Variants in AP3M2 observed in about 807,000 individuals in gnomAD.
AP3M2 encodes the protein adaptor related protein complex 3 subunit mu 2, also known as AP-3 complex subunit mu-2.
AP3M2 carries 28 observed loss-of-function variants against 41.6 expected under a neutral mutation model. That is an observed-to-expected ratio of 0.67 (90% CI 0.50 to 0.92). The LOEUF is 0.92. AP3M2 is among the 40% of genes least tolerant of loss of function. The probability of loss-of-function intolerance (pLI) is 0.00; values close to 1 mark genes in which losing one functional copy is unlikely to be tolerated. For synonymous variants in AP3M2, 193 were observed against 186.4 expected (o/e 1.04, Z -0.29); for missense variants, 427 against 521.4 (o/e 0.82, Z 1.76).
At position 42,169,158 on chromosome 8, in the gene AP3M2, C is replaced by T. The variant is rs557767547; in HGVS notation, c.*97C>T. 2 of 928,050 alleles carry T rather than the reference C, an allele frequency of 2.2e-6. No individual in the cohort carries two copies. Among genetic ancestry groups the T allele is most frequent in the Non-Finnish European group, 3.2e-6 (2 of 633,600 alleles). 57.5% of individuals were successfully genotyped at this position (928,050 alleles called of 1,614,324 possible). On this transcript the variant is annotated 3_prime_UTR_variant, in exon 9 of 9. Transcript: ENST00000396926. ...ATCAGCCTGTCTCCTAGGTCAGTCC[C>T]CTCCTGGACCCACCCGCTCCCTTTT...
rs1804772675 is a variant in AP3M2, at chr8:42,170,590, A to G, written c.*1529A>G. ...TCCACACCCTAGAGCTTTTCTCTAA[A>G]TATTGTGCAAAGTTTTTGCTAGTTT... is the stretch of plus-strand genomic sequence containing the variant. On this transcript the variant is annotated 3_prime_UTR_variant, in exon 9 of 9. Coordinates refer to ENST00000396926, the MANE Select transcript of AP3M2 (RefSeq NM_006803.4). 6.6e-6 allele frequency: 1 copy of G among 152,248 alleles called. No individual in the cohort carries two copies. Among genetic ancestry groups the G allele is most frequent in the Admixed American group, 6.5e-5 (1 of 15,284 alleles). 9.4% of individuals were successfully genotyped at this position (152,248 alleles called of 1,614,324 possible). A position where few individuals can be genotyped will look rare whatever the true frequency, so the allele number is the denominator to read the frequency against.
intron 2 of AP3M2, among the ~76,000 whole-genome samples, chr8:42,156,980 TGATCAGAG>T (rs1804371235): frequency 6.6e-6 from 1 of 152,206 alleles, no homozygotes; most frequent in African/African-American, 2.4e-5. Flanking sequence ...AACTTTGGAA[TGATCAGAG>T]CCATTCATGA....
intron 6 of AP3M2, chr8:42,165,803 T>C (rs1804624753): frequency 4.7e-6 from 2 of 423,866 alleles, no homozygotes; most frequent in South Asian, 5.0e-5. Flanking sequence ...TGAATAGTGC[T>C]TAACACAAAG....
chr8:42,155,838 G>T, intron 2 of AP3M2: 1 of 360,822 alleles, frequency 2.8e-6, no homozygotes. Context: ...AGAGAATGAG[G>T]ACCCACACAC....
At chr8:42,164,627 C>G (rs1199585495) in intron 4 of AP3M2, among the ~76,000 whole-genome samples, 1 of 152,020 alleles carries the variant, frequency 6.6e-6, no homozygotes, top group Non-Finnish European at 1.5e-5. Flanking sequence ...GTGACACATG[C>G]CACATAGAGG....
In AP3M2 at chr8:42,167,700, A is replaced by G. The variant is rs1177041864; in HGVS notation, c.1046A>G (p.Gln349Arg). ...LSWDVGKINP[Q>R]KLPSLKGTMS... ...TGGGATGTAGGAAAAATAAATCCAC[A>G]AAAGCTACCAAGTTTGAAGGGGACC... The change falls in exon 8 of 9, where the codon CAA (glutamine) becomes CGA (arginine). Residue 349 changes from glutamine (Q) to arginine (R), a missense_variant. This residue lies in a region of AP3M2 where 237 missense variants were observed against 284.9 expected (regional missense o/e 0.83). Transcript: ENST00000396926. 6.2e-7 allele frequency: 1 copy of G among 1,612,716 alleles called. No homozygotes were observed. Among genetic ancestry groups the G allele is most frequent in the Non-Finnish European group, 8.5e-7 (1 of 1,179,658 alleles).
intron 2 of AP3M2, chr8:42,155,783 G>A (rs1379042913): frequency 6.8e-6 from 2 of 294,596 alleles, no homozygotes; most frequent in Admixed American, 4.6e-5. Flanking sequence ...TGTCATATGA[G>A]GTCTGGAATG....
chr8:42,165,316 T>C, intron 5 of AP3M2, 111 bp from the exon 6 acceptor site: 1 of 1,437,170 alleles, frequency 7.0e-7, no homozygotes. Flanking sequence ...ATGATTTCTG[T>C]GTGTGTGTGT....
At chr8:42,166,853 A>G (rs1454413145) in intron 6 of AP3M2, 1 of 317,584 alleles carries the variant, frequency 3.1e-6, no homozygotes, top group African/African-American at 2.1e-5. Flanking sequence ...ACATGTTACA[A>G]GTTAAAAACA....
At chr8:42,159,193 A>G (rs1804441127) in intron 3 of AP3M2, among the ~76,000 whole-genome samples, 2 of 152,330 alleles carry the variant, frequency 1.3e-5, no homozygotes, top group South Asian at 4.1e-4. Flanking sequence ...GTTCTTTTAA[A>G]TAACAAGGAT....
chr8:42,163,689 A>G (rs7013215), intron 4 of AP3M2, among the ~76,000 whole-genome samples: 3,457 of 152,314 alleles, frequency 0.023, 136 homozygotes, highest in African/African-American at 0.079. Flanking sequence ...AACAGATGCA[A>G]TTTAGTCTAA....
At position 42,169,682 on chromosome 8, in the gene AP3M2, G is replaced by A. The variant is rs771144169; in HGVS notation, c.*621G>A. 2 of 152,168 alleles carry A rather than the reference G, an allele frequency of 1.3e-5. No homozygotes were observed. Among genetic ancestry groups the A allele is most frequent in the African/African-American group, 2.4e-5 (1 of 41,430 alleles). 9.4% of individuals were successfully genotyped at this position (152,168 alleles called of 1,614,324 possible). A position where few individuals can be genotyped will look rare whatever the true frequency, so the allele number is the denominator to read the frequency against. On this transcript the variant is annotated 3_prime_UTR_variant, in exon 9 of 9. Coordinates refer to ENST00000396926, the MANE Select transcript of AP3M2 (RefSeq NM_006803.4). ...ACACTTGTACTTCTGGAAATGGACT[G>A]GAGACTTTTTAAATTTGAGTCCACT...
chr8:42,167,725 C>T lies in AP3M2; in HGVS notation c.1071C>T (p.Thr357=). ...NPQKLPSLKG[T]MSLQAGASKP... ...AAAAGCTACCAAGTTTGAAGGGGAC[C>T]ATGAGTCTTCAGGCTGGAGCTTCCA... Residue 357 remains threonine (T), a synonymous_variant, in exon 8 of 9, where the codon ACC becomes ACT. Coordinates refer to ENST00000396926, the MANE Select transcript of AP3M2 (RefSeq NM_006803.4). 6.2e-7 allele frequency: 1 copy of T among 1,614,076 alleles called. No individual in the cohort carries two copies. The highest frequency in any genetic ancestry group is 8.5e-7 in the Non-Finnish European group (1 of 1,180,004).
At chr8:42,161,470 G>A (rs1804503767) in intron 3 of AP3M2, among the ~76,000 whole-genome samples, 1 of 151,904 alleles carries the variant, frequency 6.6e-6, no homozygotes, top group Non-Finnish European at 1.5e-5. Context: ...TTAGCCGGAT[G>A]TGGTGGCACG....
At chr8:42,153,967 TTAAAA>T (rs1317185923) in intron 1 of AP3M2, 4 of 152,188 alleles carry the variant, frequency 2.6e-5, no homozygotes, top group Non-Finnish European at 4.4e-5. Flanking sequence ...GGTAACCACT[TTAAAA>T]TAATAAAACA....
chr8:42,164,185 G>T (rs1417457478), intron 4 of AP3M2, among the ~76,000 whole-genome samples: 1 of 152,226 alleles, frequency 6.6e-6, no homozygotes, highest in African/African-American at 2.4e-5. Flanking sequence ...TTGGCTGGAT[G>T]TGGGCGGGAG....
At chr8:42,157,866 G>A in intron 2 of AP3M2, 75 bp from the exon 3 acceptor site, 1 of 1,431,082 alleles carries the variant, frequency 7.0e-7, no homozygotes, top group Non-Finnish European at 9.6e-7. Context: ...CTTATTCTCT[G>A]TAGGCACATT....
intron 6 of AP3M2, 110 bp downstream of exon 6, chr8:42,165,670 C>T (rs761295214): frequency 5.8e-5 from 80 of 1,373,620 alleles, no homozygotes; most frequent in Non-Finnish European, 7.4e-5. Context: ...GTTCACATTC[C>T]AGCTTCTGTG....
intron 2 of AP3M2, among the ~76,000 whole-genome samples, chr8:42,156,778 G>T (rs1804364721): frequency 6.6e-6 from 1 of 152,002 alleles, no homozygotes; most frequent in Non-Finnish European, 1.5e-5. Context: ...GGATGTCAAA[G>T]AAATGGAAAG....
Sources: allele counts gnomAD v4.1 joint callset (sites outside exome capture counted in the v4.1 genomes callset), GRCh38; gene constraint gnomAD v4.1.1; regional missense constraint gnomAD v4.1.1; transcripts MANE v1.5; gene names NCBI Gene and HGNC (gene_info 2026-07-23, HGNC 2026-07-21).